The following PLXNA4 variants were observed in gnomAD, a reference collection of about 807,000 sequenced individuals.
PLXNA4 encodes plexin-A4.
A neutral mutation model predicts 191.8 loss-of-function variants in PLXNA4; 44 were observed. That is an observed-to-expected ratio of 0.23 (90% confidence interval 0.18 to 0.29). The LOEUF is 0.29. Ranked by LOEUF, PLXNA4 falls within the 10% of genes least tolerant of loss-of-function variation. The probability of loss-of-function intolerance (pLI) is 1.00; values close to 1 mark genes in which losing one functional copy is unlikely to be tolerated. For synonymous variants in PLXNA4, 1,082 were observed against 1,009.5 expected (o/e 1.07, Z -1.36); for missense variants, 1,800 against 2,488.8 (o/e 0.72, Z 5.89).
chr7:132,595,018 T>TAGATAGATAGATAGAC (rs1351375386), intron 2 of PLXNA4, among the ~76,000 whole-genome samples: 3 of 31,696 alleles, frequency 9.5e-5, no homozygotes, highest in Non-Finnish European at 2.3e-4. Flanking sequence ...GATAGATAGA[T>TAGATAGATAGATAGAC]AGACAGACAG....
intron 3 of PLXNA4, among the ~76,000 whole-genome samples, chr7:132,484,322 G>A (rs918875386): frequency 3.9e-5 from 6 of 152,208 alleles, no homozygotes; most frequent in Non-Finnish European, 7.3e-5. Flanking sequence ...ACAGAATGCC[G>A]TCTGTCTGTG....
chr7:132,137,484 C>T (rs1293134837), intron 30 of PLXNA4, among the ~76,000 whole-genome samples: 1 of 152,254 alleles, frequency 6.6e-6, no homozygotes, highest in Non-Finnish European at 1.5e-5. Flanking sequence ...CACAACACGC[C>T]ACTTCATGGT....
intron 1 of PLXNA4, among the ~76,000 whole-genome samples, chr7:132,560,941 A>C (rs1801011791): frequency 1.3e-5 from 2 of 152,094 alleles, no homozygotes. Flanking sequence ...ATTTACTGCA[A>C]TAGCCTGCTT....
intron 3 of PLXNA4, among the ~76,000 whole-genome samples, chr7:132,311,928 T>C (rs537427862): frequency 9.1e-4 from 139 of 152,180 alleles, no homozygotes; most frequent in Non-Finnish European, 1.8e-3. Context: ...AGAGCTGGAA[T>C]GCACAGATGC....
intron 13 of PLXNA4, among the ~76,000 whole-genome samples, chr7:132,195,740 G>T (rs966061303): frequency 6.6e-6 from 1 of 152,174 alleles, no homozygotes; most frequent in Non-Finnish European, 1.5e-5. Flanking sequence ...TGACTTTTCT[G>T]TTGAAGCCCT....
At chr7:132,268,102 C>T (rs894139040) in intron 4 of PLXNA4, among the ~76,000 whole-genome samples, 1 of 152,108 alleles carries the variant, frequency 6.6e-6, no homozygotes, top group African/African-American at 2.4e-5. Context: ...TGGTACACAC[C>T]GTGATTAAAA....
At chr7:132,608,157 C>CACG (rs1229288916) in intron 2 of PLXNA4, among the ~76,000 whole-genome samples, 2 of 151,414 alleles carry the variant, frequency 1.3e-5, no homozygotes, top group African/African-American at 4.9e-5. Context: ...TCACCACCAT[C>CACG]ACCGCCATCA....
intron 3 of PLXNA4, among the ~76,000 whole-genome samples, chr7:132,447,545 C>T (rs1004056241): frequency 2.0e-5 from 3 of 152,182 alleles, no homozygotes; most frequent in African/African-American, 7.2e-5. Context: ...ATGTTACAAA[C>T]AGAGGATCTC....
intron 3 of PLXNA4, among the ~76,000 whole-genome samples, chr7:132,446,167 G>A (rs764209512): frequency 3.9e-5 from 6 of 152,204 alleles, no homozygotes; most frequent in South Asian, 4.1e-4. Context: ...ACCCTTTACC[G>A]TTGTTGATGG....
intron 1 of PLXNA4, among the ~76,000 whole-genome samples, chr7:132,560,857 C>T (rs750987758): frequency 3.3e-5 from 5 of 152,132 alleles, no homozygotes; most frequent in Non-Finnish European, 7.4e-5. Context: ...CTAATTCCTA[C>T]GATGCACTTC....
At chr7:132,465,374 T>C (rs1412544809) in intron 3 of PLXNA4, among the ~76,000 whole-genome samples, 1 of 152,246 alleles carries the variant, frequency 6.6e-6, no homozygotes, top group Non-Finnish European at 1.5e-5. Context: ...AATGTTTGGC[T>C]TCCACATAAG....
chr7:132,140,733 G>C lies in PLXNA4; in HGVS notation c.5304C>G (p.Asp1768Glu). 1 of 1,614,078 alleles carries C rather than the reference G, an allele frequency of 6.2e-7. No individual in the cohort carries two copies. Among genetic ancestry groups the C allele is most frequent in the Non-Finnish European group, 8.5e-7 (1 of 1,180,012 alleles). ...TCTGAGCCACCACAGAGAGGCAGGC[G>C]TCTGTGATGCTGTTCTTATGGATGT... ...VFDIHKNSIT[D>E]ACLSVVAQTF... is the part of the protein sequence containing the mutation. Residue 1768 changes from aspartate to glutamate, a missense_variant, in exon 30 of 32, where the codon GAC becomes GAG. Transcript: ENST00000321063.
At chr7:132,489,926 T>C (rs1435528568) in intron 2 of PLXNA4, among the ~76,000 whole-genome samples, 1 of 152,124 alleles carries the variant, frequency 6.6e-6, no homozygotes, top group Non-Finnish European at 1.5e-5. Context: ...GGTCTTCGTA[T>C]CTATACAGAA....
At chr7:132,439,795 C>T (rs373520871) in intron 3 of PLXNA4, among the ~76,000 whole-genome samples, 1 of 152,222 alleles carries the variant, frequency 6.6e-6, no homozygotes, top group African/African-American at 2.4e-5. Context: ...AGGACAGTTT[C>T]CTCTGCACCC....
At chr7:132,409,446 C>T (rs1010236105) in intron 3 of PLXNA4, among the ~76,000 whole-genome samples, 4 of 152,204 alleles carry the variant, frequency 2.6e-5, no homozygotes, top group African/African-American at 9.6e-5. Flanking sequence ...CTGATGGTCT[C>T]ATGGTTTCCA....
chr7:132,622,788 C>A (rs753086461), intron 2 of PLXNA4, among the ~76,000 whole-genome samples: 2 of 152,098 alleles, frequency 1.3e-5, no homozygotes, highest in Non-Finnish European at 1.5e-5. Flanking sequence ...ATTTAAAATG[C>A]CATTTGCTAT....
At chr7:132,280,528 G>A (rs1340528672) in intron 4 of PLXNA4, among the ~76,000 whole-genome samples, 1 of 152,214 alleles carries the variant, frequency 6.6e-6, no homozygotes, top group Non-Finnish European at 1.5e-5. Context: ...AATGCTGTCT[G>A]CCTGTCTGGG....
At chr7:132,354,561 G>A (rs1033968401) in intron 3 of PLXNA4, among the ~76,000 whole-genome samples, 3 of 152,188 alleles carry the variant, frequency 2.0e-5, no homozygotes, top group African/African-American at 4.8e-5. Context: ...GGTCACTGGA[G>A]TAGGGGCAGG....
At chr7:132,250,598 C>T (rs139594437) in intron 4 of PLXNA4, among the ~76,000 whole-genome samples, 2,471 of 152,202 alleles carry the variant, frequency 0.016, 36 homozygotes, top group Non-Finnish European at 0.021. Context: ...TCCAGGGCTG[C>T]GGGGTTGCAA....
Sources: allele counts gnomAD v4.1 joint callset (sites outside exome capture counted in the v4.1 genomes callset), GRCh38; gene constraint gnomAD v4.1.1; transcripts MANE v1.5; gene names NCBI Gene and HGNC (gene_info 2026-07-23, HGNC 2026-07-21).